The following APBA2 variants were observed in gnomAD, a reference collection of about 807,000 sequenced individuals.
The protein encoded by APBA2 is amyloid-beta A4 precursor protein-binding family A member 2.
A neutral mutation model predicts 75.0 loss-of-function variants in APBA2; 30 were observed. The ratio of observed to expected loss-of-function variants is 0.40; its 90% confidence interval spans 0.30 to 0.54. The LOEUF (loss-of-function observed/expected upper bound fraction) is 0.54. Among genes scored for constraint, APBA2 ranks in the 20% least tolerant of loss-of-function variants. The probability of loss-of-function intolerance (pLI) is 0.49; values close to 1 mark genes in which losing one functional copy is unlikely to be tolerated. For missense variants in APBA2, 801 were observed against 1,016.1 expected (o/e 0.79, Z 2.88); for synonymous variants, 444 against 409.6 (o/e 1.08, Z -1.01).
intron 13 of APBA2, 72 bp from the exon 14 acceptor site, chr15:29,113,804 C>G (rs2044878737): frequency 1.9e-5 from 30 of 1,586,100 alleles, no homozygotes; most frequent in Non-Finnish European, 2.6e-5. Context: ...CATGTCCCAT[C>G]TTTGGGGACG....
At chr15:29,003,558 G>A (rs1195082075) in intron 3 of APBA2, among the ~76,000 whole-genome samples, 1 of 152,220 alleles carries the variant, frequency 6.6e-6, no homozygotes, top group African/African-American at 2.4e-5. Flanking sequence ...GTGGTGCACT[G>A]AAACAGTAGG....
Position 29,046,444 on chromosome 15 carries a change from C to A in APBA2, c.-40-7401C>A, listed in dbSNP as rs1026050032. On this transcript the variant is annotated intron_variant, in intron 3 of 14. Coordinates refer to ENST00000683413, the MANE Select transcript of APBA2 (RefSeq NM_001353788.2). The surrounding 1 kb of genome is among the most constrained non-coding windows in gnomAD (Gnocchi z 5.0). ...TGGGGACAGTTGTCCTTGCTCTCCA[C>A]CCCCTGGAGTAGGGGAAGAAGGCTT... Among the ~76,000 whole-genome samples the A allele has an allele frequency of 1.3e-5, 2 of 152,166 alleles. No homozygotes were observed. Among genetic ancestry groups the A allele is most frequent in the Non-Finnish European group, 2.9e-5 (2 of 68,032 alleles).
intron 2 of APBA2, among the ~76,000 whole-genome samples, chr15:28,973,597 C>G (rs1281898971): frequency 6.6e-6 from 1 of 151,768 alleles, no homozygotes; most frequent in Non-Finnish European, 1.5e-5. Context: ...GAAACTTTGG[C>G]GAAGGCACTG....
chr15:28,971,449 G>C (rs766983766), intron 2 of APBA2, among the ~76,000 whole-genome samples: 6 of 152,148 alleles, frequency 3.9e-5, no homozygotes, highest in African/African-American at 1.4e-4. Context: ...CATCAGGACC[G>C]GGCACAGGAG....
chr15:28,886,701 G>C (rs2031755609), intron 1 of APBA2, among the ~76,000 whole-genome samples: 1 of 152,184 alleles, frequency 6.6e-6, no homozygotes, highest in Non-Finnish European at 1.5e-5. Context: ...TGAGTTTGGG[G>C]TCGCCTCTGG....
chr15:28,981,714 A>G (rs1040092286), intron 2 of APBA2, among the ~76,000 whole-genome samples: 5 of 152,248 alleles, frequency 3.3e-5, no homozygotes, highest in African/African-American at 4.8e-5. Context: ...TTGTATGTTC[A>G]TCACTGTGGT....
At chr15:28,983,440 G>A (rs1043901217) in intron 2 of APBA2, among the ~76,000 whole-genome samples, 6 of 152,178 alleles carry the variant, frequency 3.9e-5, no homozygotes, top group South Asian at 2.1e-4. Context: ...GGGCCCATGC[G>A]TGACAATTCT....
intron 2 of APBA2, among the ~76,000 whole-genome samples, chr15:28,987,506 A>G (rs2152777281): frequency 6.6e-6 from 1 of 152,094 alleles, no homozygotes; most frequent in African/African-American, 2.4e-5. Flanking sequence ...TGTCCTCACA[A>G]CATGGCAGGC....
intron 4 of APBA2, among the ~76,000 whole-genome samples, chr15:29,058,379 T>C (rs1417034275): frequency 6.6e-6 from 1 of 151,994 alleles, no homozygotes; most frequent in Non-Finnish European, 1.5e-5. Flanking sequence ...GGCATGGTAG[T>C]GTGCACCAGT....
Position 29,057,507 on chromosome 15 carries a change from C to T in APBA2, c.951+2672C>T, listed in dbSNP as rs143058072. 1.9e-3 allele frequency among the ~76,000 whole-genome samples: 289 copies of T among 152,324 alleles called. 2 individuals are homozygous for T. Among genetic ancestry groups the T allele is most frequent in the African/African-American group, 6.6e-3 (276 of 41,576 alleles). Reference sequence around the variant, plus strand: ...TTCTCCATGGTCCCTACTACCCTAACGGATGAGCTATTTCATCAGTGTGCC... The same window carrying T: ...TTCTCCATGGTCCCTACTACCCTAATGGATGAGCTATTTCATCAGTGTGCC... On this transcript the variant is annotated intron_variant, in intron 4 of 14. Coordinates refer to ENST00000683413, the MANE Select transcript of APBA2 (RefSeq NM_001353788.2).
intron 1 of APBA2, among the ~76,000 whole-genome samples, chr15:28,898,680 G>A (rs1160475230): frequency 6.6e-6 from 1 of 152,096 alleles, no homozygotes; most frequent in Non-Finnish European, 1.5e-5. Flanking sequence ...GAACTTTTCT[G>A]TATGTATATA....
At chr15:29,085,775 C>A (rs1040518820) in intron 6 of APBA2, among the ~76,000 whole-genome samples, 3 of 152,098 alleles carry the variant, frequency 2.0e-5, no homozygotes, top group African/African-American at 7.2e-5. Flanking sequence ...TTAAATATTT[C>A]TTGCCCCAGG....
intron 2 of APBA2, among the ~76,000 whole-genome samples, chr15:28,943,237 C>T (rs983463448): frequency 1.2e-4 from 19 of 152,252 alleles, no homozygotes; most frequent in African/African-American, 3.4e-4. Context: ...CCTGGGACAC[C>T]GGTTCTGGCC....
chr15:29,093,850 C>G (rs2043709180), intron 7 of APBA2, among the ~76,000 whole-genome samples: 2 of 152,194 alleles, frequency 1.3e-5, no homozygotes, highest in African/African-American at 4.8e-5. Flanking sequence ...ACACAACCTC[C>G]TCTAACAGAA....
At chr15:28,921,946 A>G (rs2033993668) in intron 2 of APBA2, among the ~76,000 whole-genome samples, 197 bp downstream of exon 2, 1 of 152,184 alleles carries the variant, frequency 6.6e-6, no homozygotes, top group African/African-American at 2.4e-5. Flanking sequence ...GCTTACATTT[A>G]TTTTGAGGCG....
chr15:29,014,645 T>C (rs2039565093), intron 3 of APBA2, among the ~76,000 whole-genome samples: 1 of 152,092 alleles, frequency 6.6e-6, no homozygotes, highest in Non-Finnish European at 1.5e-5. Flanking sequence ...TTCTAAAACC[T>C]TGTTTTAGAA....
chr15:29,022,629 G>A (rs980109890), intron 3 of APBA2, among the ~76,000 whole-genome samples: 2 of 152,164 alleles, frequency 1.3e-5, no homozygotes, highest in African/African-American at 2.4e-5. Flanking sequence ...AGTTGTTCTG[G>A]ACTGTCTTCT....
intron 10 of APBA2, among the ~76,000 whole-genome samples, chr15:29,103,222 G>C (rs1159677308): frequency 1.3e-5 from 2 of 152,208 alleles, no homozygotes; most frequent in African/African-American, 4.8e-5. Context: ...AGAGCCCCCA[G>C]GTGCAGCCGA....
chr15:28,947,201 G>T (rs1441086218), intron 2 of APBA2, among the ~76,000 whole-genome samples: 2 of 152,152 alleles, frequency 1.3e-5, no homozygotes, highest in African/African-American at 4.8e-5. Flanking sequence ...AATGATAAAC[G>T]CTGGGCCCTT....
Sources: allele counts gnomAD v4.1 joint callset (sites outside exome capture counted in the v4.1 genomes callset), GRCh38; gene constraint gnomAD v4.1.1; non-coding constraint Gnocchi (gnomAD v3.1); transcripts MANE v1.5; gene names NCBI Gene and HGNC (gene_info 2026-07-23, HGNC 2026-07-21).